DCTN6: variants seen among roughly 807,000 people sequenced by gnomAD.
DCTN6 encodes dynactin 6.
A neutral mutation model predicts 25.8 loss-of-function variants in DCTN6; 15 were observed. The observed-to-expected ratio is 0.58, with a 90% CI of 0.39 to 0.89. The LOEUF (loss-of-function observed/expected upper bound fraction) is 0.89. Ranked by LOEUF, DCTN6 falls within the 40% of genes least tolerant of loss-of-function variation. The probability of loss-of-function intolerance (pLI) is 0.00; values close to 1 mark genes in which losing one functional copy is unlikely to be tolerated. For missense variants in DCTN6, 198 were observed against 237.6 expected (o/e 0.83, Z 1.09); for synonymous variants, 64 against 78.3 (o/e 0.82, Z 0.96).
At chr8:30,166,703 T>C (rs931926154) in intron 2 of DCTN6, among the ~76,000 whole-genome samples, 6 of 152,148 alleles carry the variant, frequency 3.9e-5, no homozygotes, top group African/African-American at 1.4e-4. Flanking sequence ...GGGATCAGTA[T>C]TCACTTTCCT....
In DCTN6 at chr8:30,177,167, C is replaced by CA. The variant is rs748553769; in HGVS notation, c.240dup (p.Pro81ThrfsTer8). 6.2e-7 allele frequency: 1 copy of CA among 1,613,792 alleles called. No individual in the cohort carries two copies. The highest frequency in any genetic ancestry group is 8.5e-7 in the Non-Finnish European group (1 of 1,179,854). ...ACTCCTGACACTGAAGATCCAGAAC[C>CA]AAAACCTATGATCATTGGCACCAAT... On this transcript the variant is annotated frameshift_variant, in exon 4 of 7. Coordinates refer to ENST00000221114, the MANE Select transcript of DCTN6 (RefSeq NM_006571.4). LOFTEE classifies it high-confidence loss of function.
intron 6 of DCTN6, chr8:30,180,863 C>A: frequency 1.8e-6 from 1 of 552,630 alleles, no homozygotes; most frequent in Non-Finnish European, 3.2e-6. Flanking sequence ...GAGACTCTGT[C>A]TCTACAAACA....
chr8:30,175,279 A>G (rs1261235473), intron 3 of DCTN6, 89 bp downstream of exon 3: 1 of 1,084,342 alleles, frequency 9.2e-7, no homozygotes, highest in Non-Finnish European at 1.4e-6. Flanking sequence ...TTCAGCTGAC[A>G]TCCAGGAGGC....
intron 1 of DCTN6, among the ~76,000 whole-genome samples, chr8:30,158,701 C>CTTT (rs5890500): frequency 2.2e-3 from 222 of 98,930 alleles, no homozygotes; most frequent in Admixed American, 3.8e-3. Context: ...AGTAGATTGA[C>CTTT]TTTTTTTTTT....
At chr8:30,182,282 A>G (rs959613575) in intron 6 of DCTN6, among the ~76,000 whole-genome samples, 1 of 152,200 alleles carries the variant, frequency 6.6e-6, no homozygotes, top group East Asian at 1.9e-4. Flanking sequence ...GGGCCTAAAA[A>G]TCTATATTTT....
intron 2 of DCTN6, chr8:30,165,929 G>C (rs2117582051): frequency 6.6e-6 from 1 of 151,854 alleles, no homozygotes; most frequent in Middle Eastern, 3.4e-3. Context: ...TTTCTTTTCA[G>C]TGCCGTGGTA....
chr8:30,180,657 TTC>T, intron 6 of DCTN6, 27 bp downstream of exon 6: 1 of 1,609,426 alleles, frequency 6.2e-7, no homozygotes, highest in Non-Finnish European at 8.5e-7. Context: ...TTAAAAAGAG[TTC>T]TATCTGCTGA....
intron 1 of DCTN6, among the ~76,000 whole-genome samples, chr8:30,157,914 T>G (rs1289629529): frequency 6.6e-6 from 1 of 152,104 alleles, no homozygotes; most frequent in Non-Finnish European, 1.5e-5. Context: ...ATAAATATTA[T>G]GTGCAGTAGA....
At chr8:30,165,865 A>C (rs1803661442) in intron 2 of DCTN6, 1 of 145,642 alleles carries the variant, frequency 6.9e-6, no homozygotes. Context: ...CCTTCTCAGA[A>C]AAAAAAAAAA....
At chr8:30,169,751 A>T (rs562912491) in intron 2 of DCTN6, among the ~76,000 whole-genome samples, 1 of 152,316 alleles carries the variant, frequency 6.6e-6, no homozygotes, top group East Asian at 1.9e-4. Flanking sequence ...GCCACGTTTC[A>T]GTGTGCTGTT....
chr8:30,165,030 A>G (rs957209329), intron 2 of DCTN6, among the ~76,000 whole-genome samples: 12 of 152,242 alleles, frequency 7.9e-5, no homozygotes, highest in African/African-American at 2.9e-4. Context: ...GGGTTCTATT[A>G]CAAGGAAAAA....
At chr8:30,178,470 TA>T (rs201060800) in intron 4 of DCTN6, among the ~76,000 whole-genome samples, 11,299 of 79,798 alleles carry the variant, frequency 0.14, 547 homozygotes, top group East Asian at 0.3. Context: ...TCAAAAAGAT[TA>T]AAAAAAAAAA....
At chr8:30,168,474 AT>A (rs1398973914) in intron 2 of DCTN6, among the ~76,000 whole-genome samples, 3 of 152,204 alleles carry the variant, frequency 2.0e-5, no homozygotes, top group Non-Finnish European at 4.4e-5. Flanking sequence ...TTTATTTTTC[AT>A]TTTAGGGCTT....
chr8:30,157,976 C>G (rs564838650), intron 1 of DCTN6, among the ~76,000 whole-genome samples: 1 of 152,264 alleles, frequency 6.6e-6, no homozygotes, highest in South Asian at 2.1e-4. Flanking sequence ...TGACTTGTTA[C>G]TTTTACAGAT....
intron 2 of DCTN6, 58 bp downstream of exon 2, chr8:30,164,233 T>C: frequency 7.6e-7 from 1 of 1,324,448 alleles, no homozygotes. Context: ...TCTATTTTAG[T>C]GCTTTACAAT....
intron 2 of DCTN6, among the ~76,000 whole-genome samples, chr8:30,172,795 A>C (rs1010928196): frequency 1.3e-5 from 2 of 152,222 alleles, no homozygotes; most frequent in Non-Finnish European, 2.9e-5. Context: ...TACATCTGGA[A>C]TAATATACTC....
At chr8:30,156,520 A>G in intron 1 of DCTN6, 114 bp downstream of exon 1, 1 of 1,273,652 alleles carries the variant, frequency 7.9e-7, no homozygotes, top group Non-Finnish European at 1.1e-6. Flanking sequence ...ATTCGGGCCG[A>G]AGGTACCTGA....
intron 6 of DCTN6, 86 bp from the exon 7 acceptor site, chr8:30,182,989 C>T: frequency 2.7e-6 from 3 of 1,099,762 alleles, no homozygotes; most frequent in Non-Finnish European, 2.8e-6. Context: ...GCTGAGATTA[C>T]AGGCATGACC....
chr8:30,156,557 A>C, intron 1 of DCTN6, 151 bp downstream of exon 1: 1 of 767,200 alleles, frequency 1.3e-6, no homozygotes, highest in Non-Finnish European at 2.1e-6. Flanking sequence ...CCACTGAGGG[A>C]GGGGGCGACG....
Sources: allele counts gnomAD v4.1 joint callset (sites outside exome capture counted in the v4.1 genomes callset), GRCh38; gene constraint gnomAD v4.1.1; transcripts MANE v1.5; gene names NCBI Gene and HGNC (gene_info 2026-07-23, HGNC 2026-07-21).